PRIMPOL: variants seen among roughly 807,000 people sequenced by gnomAD.
PRIMPOL encodes the protein primase and DNA directed polymerase.
A neutral mutation model predicts 63.6 loss-of-function variants in PRIMPOL; 54 were observed. The ratio of observed to expected loss-of-function variants is 0.85; its 90% CI spans 0.68 to 1.07. The LOEUF is 1.07. Ranked by LOEUF, PRIMPOL falls within the 50% of genes least tolerant of loss-of-function variation. The pLI is 0.00. For missense variants in PRIMPOL, 610 were observed against 648.3 expected (o/e 0.94, Z 0.64); for synonymous variants, 197 against 220.2 (o/e 0.89, Z 0.93).
At chr4:184,652,851 GAAAA>G (rs1214217898) in intron 2 of PRIMPOL, among the ~76,000 whole-genome samples, 1 of 146,636 alleles carries the variant, frequency 6.8e-6, no homozygotes, top group Middle Eastern at 3.2e-3. Context: ...GAGAAAAAAA[GAAAA>G]AAGAAAAGGA....
chr4:184,694,579 C>T lies in PRIMPOL; in HGVS notation c.1483C>T (p.Pro495Ser), dbSNP rs373742965. The change falls in exon 14 of 14, where the codon CCT becomes TCT. Residue 495 changes from proline to serine, a missense_variant. Pro to Ser is a moderately conservative substitution (Grantham distance 74). Coordinates refer to ENST00000314970, the MANE Select transcript of PRIMPOL (RefSeq NM_152683.4). ...AACTAGGAGCAATGAAACCCAGAAT[C>T]CTCATAAACCATCACCTAGCAGGCT... ...DETRSNETQN[P>S]HKPSPSRLST... The T allele has an allele frequency of 3.3e-5, 53 of 1,613,978 alleles. No individual in the cohort carries two copies. The highest frequency in any genetic ancestry group is 1.3e-4 in the South Asian group (12 of 91,076).
chr4:184,663,334 T>C (rs1199175319), intron 5 of PRIMPOL, among the ~76,000 whole-genome samples: 7 of 152,164 alleles, frequency 4.6e-5, no homozygotes, highest in Non-Finnish European at 1.0e-4. Flanking sequence ...CGCGAGCCAT[T>C]GTGCCTGGCC....
At chr4:184,676,815 C>T (rs111216140) in intron 7 of PRIMPOL, among the ~76,000 whole-genome samples, 4 of 2,814 alleles carry the variant, frequency 1.4e-3, no homozygotes, top group African/African-American at 2.8e-3. Context: ...CCCTTCCCTT[C>T]CCTTTTCCCT....
At chr4:184,676,387 T>C (rs1294495750) in intron 7 of PRIMPOL, among the ~76,000 whole-genome samples, 1 of 8,510 alleles carries the variant, frequency 1.2e-4, no homozygotes, top group Non-Finnish European at 2.6e-4. Flanking sequence ...TCCCTTCCTT[T>C]CCCTTCCCTT....
chr4:184,683,014 C>T (rs1487480956), intron 9 of PRIMPOL, among the ~76,000 whole-genome samples: 2 of 152,196 alleles, frequency 1.3e-5, no homozygotes, highest in Non-Finnish European at 2.9e-5. Context: ...GGTGCCATTG[C>T]ACTCCAGCCT....
Position 184,682,274 on chromosome 4 carries a change from C to A in PRIMPOL, c.1034C>A (p.Thr345Lys). ...TTCTCAGATACTTTACGAATTCTTA[C>A]ATGTGAGCCATCTCAGAATAAACAA... is the stretch of plus-strand genomic sequence containing the variant. Reference protein sequence around the residue: ...VRFSDTLRILTCEPSQNKQKG... With the variant: ...VRFSDTLRILKCEPSQNKQKG... The change falls in exon 9 of 14, where the codon ACA becomes AAA. Residue 345 changes from threonine to lysine, a missense_variant. By Grantham distance (78) the Thr-to-Lys change is moderately conservative (BLOSUM62 -1). This residue lies in a region of PRIMPOL where 444 missense variants were observed against 456.4 expected (regional missense o/e 0.97). Coordinates refer to ENST00000314970, the MANE Select transcript of PRIMPOL (RefSeq NM_152683.4). The A allele has an allele frequency of 1.2e-6, 2 of 1,600,498 alleles. No homozygotes were observed.
In PRIMPOL at chr4:184,678,371, C is replaced by G. The variant is rs764923845; in HGVS notation, c.984C>G (p.Leu328=). The change falls in exon 8 of 14, where the codon CTC becomes CTG. Residue 328 remains leucine (L), a synonymous_variant. Coordinates refer to ENST00000314970, the MANE Select transcript of PRIMPOL (RefSeq NM_152683.4). ...TTTCTGACGAATATCAATATTTTCT[C>G]TCTTCTTTGGTCAGCAATGTCAGGT... The part of the protein sequence containing the change: ...KDVSDEYQYF[L]SSLVSNVRFS... 1 of 1,606,014 alleles carries G rather than the reference C, an allele frequency of 6.2e-7. No individual in the cohort carries two copies. Among genetic ancestry groups the G allele is most frequent in the Non-Finnish European group, 8.5e-7 (1 of 1,177,642 alleles).
At chr4:184,667,607 G>A (rs910016340) in intron 6 of PRIMPOL, among the ~76,000 whole-genome samples, 5 of 152,134 alleles carry the variant, frequency 3.3e-5, no homozygotes, top group Non-Finnish European at 7.3e-5. Context: ...ACCGTGCCTG[G>A]CCGAAAGTGA....
At chr4:184,651,571 G>A (rs2705881) in intron 1 of PRIMPOL, among the ~76,000 whole-genome samples, 28,992 of 152,152 alleles carry the variant, frequency 0.19, 3,867 homozygotes, top group East Asian at 0.7. Flanking sequence ...CCCTTCCTGT[G>A]CTAAACTTTC....
At chr4:184,658,544 G>C (rs1481766367) in intron 3 of PRIMPOL, among the ~76,000 whole-genome samples, 1 of 152,132 alleles carries the variant, frequency 6.6e-6, no homozygotes, top group African/African-American at 2.4e-5. Context: ...TCCTCTATTA[G>C]AAGAACCCTT....
intron 5 of PRIMPOL, among the ~76,000 whole-genome samples, chr4:184,662,789 A>G (rs1748719279): frequency 6.6e-6 from 1 of 151,970 alleles, no homozygotes; most frequent in Non-Finnish European, 1.5e-5. Context: ...TTGGACCTCT[A>G]CATGCTTGAT....
intron 7 of PRIMPOL, 47 bp from the exon 8 acceptor site, chr4:184,678,185 A>G (rs374913752): frequency 7.7e-7 from 1 of 1,294,528 alleles, no homozygotes; most frequent in Non-Finnish European, 1.1e-6. Flanking sequence ...TATGAAACTA[A>G]TAACAGAAAA....
At chr4:184,693,357 A>AT (rs1376275635) in intron 13 of PRIMPOL, among the ~76,000 whole-genome samples, 1 of 152,154 alleles carries the variant, frequency 6.6e-6, no homozygotes, top group Non-Finnish European at 1.5e-5. Context: ...GTTGCAGTGG[A>AT]TTTTTAAGCT....
chr4:184,680,575 G>C (rs1755357000), intron 8 of PRIMPOL, among the ~76,000 whole-genome samples: 1 of 152,162 alleles, frequency 6.6e-6, no homozygotes, highest in South Asian at 2.1e-4. Context: ...AGGTTGTACA[G>C]TTAACAGCCG....
rs1168551796 is a variant in PRIMPOL, at chr4:184,661,920, A to G, written c.408+17A>G. On this transcript the variant is annotated intron_variant, in intron 5 of 13. Coordinates refer to ENST00000314970, the MANE Select transcript of PRIMPOL (RefSeq NM_152683.4). ...CTCATTGAGGTAAATGGCCAACTCA[A>G]GTTTTTCTTATTTCTATCCATCTCT... 3.3e-6 allele frequency: 5 copies of G among 1,509,230 alleles called. No individual in the cohort carries two copies. The highest frequency in any genetic ancestry group is 4.2e-5 in the Admixed American group (2 of 47,540). 93.5% of individuals were successfully genotyped at this position (1,509,230 alleles called of 1,614,324 possible). A position where few individuals can be genotyped will look rare whatever the true frequency, so the allele number is the denominator to read the frequency against.
chr4:184,675,345 T>C (rs1753008370), intron 7 of PRIMPOL, among the ~76,000 whole-genome samples: 1 of 152,252 alleles, frequency 6.6e-6, no homozygotes, highest in African/African-American at 2.4e-5. Flanking sequence ...TAGACTTATG[T>C]ACATTTTATG....
At chr4:184,659,280 C>T (rs1044175050) in intron 3 of PRIMPOL, 60 bp from the exon 4 acceptor site, 2 of 1,193,748 alleles carry the variant, frequency 1.7e-6, no homozygotes, top group African/African-American at 3.0e-5. Flanking sequence ...TCAGTAGCTA[C>T]AGTTGAGTTT....
chr4:184,654,589 T>G (rs57855640), intron 2 of PRIMPOL, among the ~76,000 whole-genome samples: 7,179 of 151,834 alleles, frequency 0.047, 185 homozygotes, highest in East Asian at 0.1. Flanking sequence ...TAGCTGGGAC[T>G]ACAGGCACCC....
chr4:184,650,986 A>G, intron 1 of PRIMPOL, among the ~76,000 whole-genome samples: 1 of 152,166 alleles, frequency 6.6e-6, no homozygotes, highest in African/African-American at 2.4e-5. Context: ...AAAGAGGTTA[A>G]GGCCGAGTTT....
Sources: allele counts gnomAD v4.1 joint callset (sites outside exome capture counted in the v4.1 genomes callset), GRCh38; gene constraint gnomAD v4.1.1; regional missense constraint gnomAD v4.1.1; transcripts MANE v1.5; gene names NCBI Gene and HGNC (gene_info 2026-07-23, HGNC 2026-07-21).